CFAP61: variants seen among roughly 807,000 people sequenced by gnomAD.
CFAP61 encodes the protein cilia- and flagella-associated protein 61.
CFAP61 carries 107 observed loss-of-function variants against 135.6 expected under a neutral mutation model. The observed-to-expected ratio is 0.79, with a 90% CI of 0.67 to 0.93. CFAP61 has a LOEUF of 0.93. Ranked by LOEUF, CFAP61 falls within the 40% of genes least tolerant of loss-of-function variation. The pLI is 0.00. For missense variants in CFAP61, 1,507 were observed against 1,556.2 expected, an observed-to-expected ratio of 0.97 and a Z score of 0.53; for synonymous variants, 575 against 578.5, an observed-to-expected ratio of 0.99 and a Z score of 0.09.
intron 7 of CFAP61, among the ~76,000 whole-genome samples, chr20:20,091,899 G>A (rs1011121103): frequency 2.0e-5 from 3 of 152,044 alleles, no homozygotes; most frequent in Admixed American, 1.3e-4. Context: ...GCTGACCTGA[G>A]GTGAACTCCT....
At chr20:20,351,957 AC>A (rs1396968942) in intron 26 of CFAP61, among the ~76,000 whole-genome samples, 1 of 152,172 alleles carries the variant, frequency 6.6e-6, no homozygotes, top group Non-Finnish European at 1.5e-5. Context: ...GAAAAAAAAA[AC>A]GGAAGGCATA....
chr20:20,278,666 A>G (rs1305049740), intron 22 of CFAP61, among the ~76,000 whole-genome samples: 5 of 152,190 alleles, frequency 3.3e-5, no homozygotes, highest in Non-Finnish European at 5.9e-5. Context: ...CTTCTCACTC[A>G]GGTGCTGCTA....
At chr20:20,189,522 A>T (rs568324120) in intron 14 of CFAP61, among the ~76,000 whole-genome samples, 10 of 150,220 alleles carry the variant, frequency 6.7e-5, no homozygotes, top group African/African-American at 2.0e-4. Flanking sequence ...GGTGAAACCA[A>T]TGCCACCTCA....
At chr20:20,192,192 G>A (rs1223079262) in intron 15 of CFAP61, among the ~76,000 whole-genome samples, 1 of 151,992 alleles carries the variant, frequency 6.6e-6, no homozygotes, top group East Asian at 1.9e-4. Context: ...TTAGGATCAT[G>A]GATCATGGCT....
intron 24 of CFAP61, among the ~76,000 whole-genome samples, chr20:20,296,322 C>A: frequency 1.3e-5 from 1 of 75,538 alleles, no homozygotes; most frequent in African/African-American, 6.7e-5. Flanking sequence ...TTCCCTCCTT[C>A]CTTCCCTTCC....
intron 16 of CFAP61, among the ~76,000 whole-genome samples, chr20:20,199,293 G>A (rs895705347): frequency 6.6e-6 from 1 of 152,128 alleles, no homozygotes; most frequent in Non-Finnish European, 1.5e-5. Context: ...TGAAGTCACT[G>A]TGAGTGACTT....
intron 6 of CFAP61, among the ~76,000 whole-genome samples, chr20:20,076,907 G>T (rs1228835042): frequency 6.6e-6 from 1 of 152,154 alleles, no homozygotes; most frequent in African/African-American, 2.4e-5. Context: ...CTGTCAGTGG[G>T]TGTAAGCGTA....
chr20:20,204,884 C>T (rs533267183), intron 17 of CFAP61, among the ~76,000 whole-genome samples: 1 of 152,266 alleles, frequency 6.6e-6, no homozygotes, highest in East Asian at 1.9e-4. Context: ...AAGCCACTTC[C>T]CAGCCAGTTC....
intron 13 of CFAP61, among the ~76,000 whole-genome samples, chr20:20,182,981 C>T (rs2055221054): frequency 6.6e-6 from 1 of 152,162 alleles, no homozygotes; most frequent in Admixed American, 6.5e-5. Flanking sequence ...AGCTAGATCA[C>T]CTCCTCCTCA....
chr20:20,320,624 G>A (rs1162111188), intron 25 of CFAP61, among the ~76,000 whole-genome samples: 1 of 144,866 alleles, frequency 6.9e-6, no homozygotes, highest in Non-Finnish European at 1.5e-5. Context: ...AACCCAGGAG[G>A]GAGAATGGTA....
intron 8 of CFAP61, among the ~76,000 whole-genome samples, chr20:20,103,001 G>A (rs2048132532): frequency 6.6e-6 from 1 of 152,132 alleles, no homozygotes; most frequent in Non-Finnish European, 1.5e-5. Context: ...CTGGAGGTCT[G>A]GCTGGTGTTA....
chr20:20,219,964 G>T (rs977109815), intron 17 of CFAP61, among the ~76,000 whole-genome samples: 1 of 152,156 alleles, frequency 6.6e-6, no homozygotes, highest in Non-Finnish European at 1.5e-5. Context: ...CAATAAAGGT[G>T]AGAGGAGCAT....
chr20:20,314,005 C>A (rs1482059435), intron 25 of CFAP61, among the ~76,000 whole-genome samples: 1 of 152,140 alleles, frequency 6.6e-6, no homozygotes, highest in Non-Finnish European at 1.5e-5. Flanking sequence ...GAGAATGGCA[C>A]CAGCTATTCA....
intron 13 of CFAP61, among the ~76,000 whole-genome samples, chr20:20,181,391 T>TA (rs1425207863): frequency 6.6e-6 from 1 of 151,470 alleles, no homozygotes; most frequent in Non-Finnish European, 1.5e-5. Flanking sequence ...ATATTCTACT[T>TA]TATTGTGTGT....
At chr20:20,156,157 T>C (rs985075625) in intron 9 of CFAP61, among the ~76,000 whole-genome samples, 1 of 152,048 alleles carries the variant, frequency 6.6e-6, no homozygotes, top group Non-Finnish European at 1.5e-5. Flanking sequence ...CCCAAAAATA[T>C]TGAAATAAAA....
At chr20:20,088,423 C>A (rs1273519306) in intron 6 of CFAP61, among the ~76,000 whole-genome samples, 1 of 152,132 alleles carries the variant, frequency 6.6e-6, no homozygotes, top group Non-Finnish European at 1.5e-5. Flanking sequence ...GAAGGGGAAG[C>A]AAACACATCT....
chr20:20,158,165 G>A (rs527652715), intron 9 of CFAP61, among the ~76,000 whole-genome samples: 18 of 151,298 alleles, frequency 1.2e-4, no homozygotes, highest in African/African-American at 4.4e-4. Context: ...TGGGTGCAGC[G>A]CACCACCATG....
At chr20:20,344,826 A>G (rs1486858811) in intron 26 of CFAP61, among the ~76,000 whole-genome samples, 1 of 152,220 alleles carries the variant, frequency 6.6e-6, no homozygotes, top group East Asian at 1.9e-4. Context: ...CACTACTCAC[A>G]ATAGCCGAGA....
In CFAP61 at chr20:20,070,879, C is replaced by T; in HGVS notation, c.169C>T (p.Leu57Phe). 1 of 1,613,754 alleles carries T rather than the reference C, an allele frequency of 6.2e-7. No homozygotes were observed. Among genetic ancestry groups the T allele is most frequent in the Non-Finnish European group, 8.5e-7 (1 of 1,179,854 alleles). Residue 57 changes from leucine (L) to phenylalanine (F), a missense_variant, in exon 3 of 27, where the codon CTC (leucine) becomes TTC (phenylalanine). Leu to Phe is a conservative substitution (Grantham distance 22). Transcript: ENST00000245957. Reference sequence around the variant, plus strand: ...AGAAAAGGCCAACCTTGCTGTTACCCTCTGCAATGACAAGGAGGAGATCAT... The same window carrying T: ...AGAAAAGGCCAACCTTGCTGTTACCTTCTGCAATGACAAGGAGGAGATCAT... ...LLEKANLAVTLCNDKEEIMAQ... is the reference protein window; with the variant it reads ...LLEKANLAVTFCNDKEEIMAQ...
Sources: gnomAD v4.1 joint callset for allele counts (sites outside exome capture counted in the v4.1 genomes callset) on GRCh38, gnomAD v4.1.1 for gene constraint, MANE v1.5 for transcripts, NCBI Gene and HGNC (gene_info 2026-07-23, HGNC 2026-07-21) for gene names.